Variants in LMBRD1 observed in about 807,000 individuals in gnomAD.
The protein encoded by LMBRD1 is LMBR1 domain containing 1.
A neutral mutation model predicts 74.8 loss-of-function variants in LMBRD1; 64 were observed. The observed-to-expected ratio is 0.86, with a 90% CI of 0.70 to 1.05. The LOEUF is 1.05. Among genes scored for constraint, LMBRD1 ranks in the 50% least tolerant of loss-of-function variants. The pLI is 0.00. For missense variants in LMBRD1, 652 were observed against 645.9 expected (o/e 1.01, Z -0.10); for synonymous variants, 204 against 216.3 (o/e 0.94, Z 0.50).
At chr6:69,778,521 T>C (rs1382482916) in intron 3 of LMBRD1, among the ~76,000 whole-genome samples, 2 of 152,230 alleles carry the variant, frequency 1.3e-5, no homozygotes. Context: ...CAATGGCCTC[T>C]AGGTTCAACG....
chr6:69,732,521 C>T (rs1342584493), intron 7 of LMBRD1, among the ~76,000 whole-genome samples: 1 of 151,964 alleles, frequency 6.6e-6, no homozygotes, highest in Non-Finnish European at 1.5e-5. Context: ...GTTATACTGA[C>T]CTGAACTAAG....
chr6:69,760,062 TACAA>T (rs1765343808), intron 3 of LMBRD1, among the ~76,000 whole-genome samples: 1 of 152,148 alleles, frequency 6.6e-6, no homozygotes, highest in African/African-American at 2.4e-5. Context: ...ATTACATTAG[TACAA>T]ACACTTAGCA....
intron 11 of LMBRD1, among the ~76,000 whole-genome samples, 197 bp from the exon 12 acceptor site, chr6:69,701,066 T>C (rs544486222): frequency 6.6e-6 from 1 of 151,754 alleles, no homozygotes; most frequent in Non-Finnish European, 1.5e-5. Context: ...AAATTTTTAA[T>C]ACCATTATCT....
intron 3 of LMBRD1, among the ~76,000 whole-genome samples, chr6:69,758,489 T>C (rs1765312535): frequency 6.6e-6 from 1 of 152,134 alleles, no homozygotes; most frequent in African/African-American, 2.4e-5. Flanking sequence ...TTGAAACTGA[T>C]ACATGATGGC....
chr6:69,740,914 G>A (rs932043305), intron 6 of LMBRD1, among the ~76,000 whole-genome samples: 2 of 151,856 alleles, frequency 1.3e-5, no homozygotes, highest in Non-Finnish European at 2.9e-5. Context: ...AACCTAATCC[G>A]TGAGCCTTTT....
At chr6:69,742,001 G>C in intron 5 of LMBRD1, 124 bp from the exon 6 acceptor site, 2 of 601,794 alleles carry the variant, frequency 3.3e-6, no homozygotes, top group Non-Finnish European at 5.8e-6. Context: ...TGCACAGAGG[G>C]GAGTGAAAAG....
At chr6:69,728,201 T>C (rs1269315362) in intron 7 of LMBRD1, among the ~76,000 whole-genome samples, 1 of 152,034 alleles carries the variant, frequency 6.6e-6, no homozygotes, top group Admixed American at 6.6e-5. Flanking sequence ...GCTACAGATT[T>C]TTAAACACCC....
intron 9 of LMBRD1, among the ~76,000 whole-genome samples, chr6:69,703,291 GACTTAT>G (rs988741501): frequency 6.6e-6 from 1 of 151,860 alleles, no homozygotes; most frequent in African/African-American, 2.4e-5. Flanking sequence ...AAGCAACACA[GACTTAT>G]ACTTAGGATT....
At chr6:69,751,400 C>T (rs1016005235) in intron 4 of LMBRD1, among the ~76,000 whole-genome samples, 2 of 151,786 alleles carry the variant, frequency 1.3e-5, no homozygotes, top group African/African-American at 4.8e-5. Flanking sequence ...GATCTCGGCT[C>T]ACTGCAACCT....
intron 9 of LMBRD1, chr6:69,705,868 A>G (rs1390927742): frequency 1.0e-5 from 14 of 1,339,596 alleles, no homozygotes; most frequent in Non-Finnish European, 1.5e-5. Flanking sequence ...CCGTAAGACC[A>G]CTGGTGGTGT....
At chr6:69,706,331 A>G (rs1285396444) in intron 9 of LMBRD1, among the ~76,000 whole-genome samples, 1 of 152,208 alleles carries the variant, frequency 6.6e-6, no homozygotes, top group East Asian at 1.9e-4. Context: ...AAATTCTGTA[A>G]TTTATTTCCC....
intron 7 of LMBRD1, among the ~76,000 whole-genome samples, chr6:69,724,320 A>T (rs1308615804): frequency 7.4e-6 from 1 of 134,286 alleles, no homozygotes; most frequent in Non-Finnish European, 1.6e-5. Context: ...ATTCTATAAG[A>T]CCCTGATACC....
At chr6:69,734,094 A>G (rs557712531) in intron 7 of LMBRD1, among the ~76,000 whole-genome samples, 12 of 152,310 alleles carry the variant, frequency 7.9e-5, no homozygotes, top group Non-Finnish European at 1.3e-4. Flanking sequence ...TCTCCACACC[A>G]ATTATTATAA....
chr6:69,783,661 T>C (rs912704448), intron 2 of LMBRD1, among the ~76,000 whole-genome samples: 10 of 152,176 alleles, frequency 6.6e-5, no homozygotes, highest in African/African-American at 9.7e-5. Flanking sequence ...CCACCATACC[T>C]GGACTAAAAG....
At chr6:69,711,186 A>C (rs1766375170) in intron 9 of LMBRD1, among the ~76,000 whole-genome samples, 2 of 152,198 alleles carry the variant, frequency 1.3e-5, no homozygotes, top group Admixed American at 1.3e-4. Flanking sequence ...CAAATCTCAA[A>C]AACTGTGCCA....
chr6:69,727,629 C>T (rs1013273980), intron 7 of LMBRD1, among the ~76,000 whole-genome samples: 1 of 152,142 alleles, frequency 6.6e-6, no homozygotes, highest in African/African-American at 2.4e-5. Flanking sequence ...CACTAAAAGC[C>T]TAGACTTCAC....
chr6:69,714,567 A>G (rs1485455124), intron 8 of LMBRD1, among the ~76,000 whole-genome samples: 2 of 152,168 alleles, frequency 1.3e-5, no homozygotes, highest in African/African-American at 4.8e-5. Flanking sequence ...CAGCAGGAAC[A>G]AGAAAAATAT....
intron 14 of LMBRD1, among the ~76,000 whole-genome samples, chr6:69,682,465 G>A (rs1044068250): frequency 6.6e-6 from 1 of 151,838 alleles, no homozygotes; most frequent in Non-Finnish European, 1.5e-5. Context: ...CATTTCCAAG[G>A]TGCTAAAATA....
chr6:69,698,893 C>A (rs989510937), intron 13 of LMBRD1, 150 bp downstream of exon 13: 7 of 608,500 alleles, frequency 1.2e-5, no homozygotes, highest in Non-Finnish European at 2.0e-5. Flanking sequence ...TATAAATATG[C>A]TAAAAATAGA....
Sources: gnomAD v4.1 joint callset for allele counts (sites outside exome capture counted in the v4.1 genomes callset) on GRCh38, gnomAD v4.1.1 for gene constraint, MANE v1.5 for transcripts, NCBI Gene and HGNC (gene_info 2026-07-23, HGNC 2026-07-21) for gene names.